EDIL3: variants seen among roughly 807,000 people sequenced by gnomAD.
The protein encoded by EDIL3 is EGF like and discoidin domains 3, also known as EGF-like repeat and discoidin I-like domain-containing protein 3.
A neutral mutation model predicts 67.4 loss-of-function variants in EDIL3; 37 were observed. The ratio of observed to expected loss-of-function variants is 0.55; its 90% CI spans 0.42 to 0.72. EDIL3 has a LOEUF of 0.72. Among genes scored for constraint, EDIL3 ranks in the 30% least tolerant of loss-of-function variants. The pLI is 0.00. For synonymous variants in EDIL3, 195 were observed against 196.3 expected, an observed-to-expected ratio of 0.99 and a Z score of 0.05; for missense variants, 527 against 586.3, an observed-to-expected ratio of 0.90 and a Z score of 1.04.
At chr5:84,348,191 T>C (rs531737194) in intron 1 of EDIL3, among the ~76,000 whole-genome samples, 12 of 152,294 alleles carry the variant, frequency 7.9e-5, no homozygotes, top group African/African-American at 1.9e-4. Context: ...TCAGGGAATT[T>C]TACCACTTGA....
At chr5:83,952,180 C>T (rs943201974) in intron 10 of EDIL3, among the ~76,000 whole-genome samples, 4 of 151,734 alleles carry the variant, frequency 2.6e-5, no homozygotes, top group Non-Finnish European at 4.4e-5. Flanking sequence ...GGGAAAAAGA[C>T]GTAGTGAAAA....
intron 9 of EDIL3, among the ~76,000 whole-genome samples, chr5:83,981,098 C>G (rs1744962947): frequency 6.6e-6 from 1 of 151,994 alleles, no homozygotes; most frequent in African/African-American, 2.4e-5. Context: ...ATATCCCTAA[C>G]AAAATCTCAA....
At chr5:84,373,757 G>C (rs1388067285) in intron 1 of EDIL3, among the ~76,000 whole-genome samples, 1 of 151,978 alleles carries the variant, frequency 6.6e-6, no homozygotes, top group Non-Finnish European at 1.5e-5. Flanking sequence ...CCAAGAGTAG[G>C]GTCAGTAGGA....
chr5:84,040,223 A>G (rs1471235170), intron 9 of EDIL3, among the ~76,000 whole-genome samples: 1 of 152,170 alleles, frequency 6.6e-6, no homozygotes, highest in African/African-American at 2.4e-5. Context: ...AAATCCTACA[A>G]ATTGCACATA....
chr5:83,947,657 C>A (rs529009669), intron 10 of EDIL3, among the ~76,000 whole-genome samples: 4 of 151,810 alleles, frequency 2.6e-5, no homozygotes, highest in Non-Finnish European at 4.4e-5. Flanking sequence ...TCAGCCTATT[C>A]ATGGCATGCC....
chr5:84,153,295 TTTA>T (rs1011735427), intron 4 of EDIL3, among the ~76,000 whole-genome samples: 10 of 152,176 alleles, frequency 6.6e-5, no homozygotes, highest in African/African-American at 2.4e-4. Flanking sequence ...TTATTATTCT[TTTA>T]TTATTATTAT....
intron 6 of EDIL3, among the ~76,000 whole-genome samples, chr5:84,068,817 G>C (rs962668334): frequency 1.3e-5 from 2 of 152,018 alleles, no homozygotes; most frequent in Admixed American, 6.6e-5. Flanking sequence ...TTCAATATAA[G>C]GAAGCTAAGC....
chr5:84,219,241 G>T (rs541230737), intron 3 of EDIL3, among the ~76,000 whole-genome samples: 149 of 152,250 alleles, frequency 9.8e-4, no homozygotes, highest in Non-Finnish European at 1.8e-3. Flanking sequence ...GACCATACAA[G>T]TCAATAATGA....
chr5:84,282,755 T>C (rs1173850941), intron 1 of EDIL3, among the ~76,000 whole-genome samples: 1 of 152,218 alleles, frequency 6.6e-6, no homozygotes, highest in Non-Finnish European at 1.5e-5. Flanking sequence ...CTTTTTATTA[T>C]CTGTGAATCA....
intron 2 of EDIL3, among the ~76,000 whole-genome samples, chr5:84,238,125 C>A (rs1172849348): frequency 6.6e-6 from 1 of 151,994 alleles, no homozygotes; most frequent in East Asian, 1.9e-4. Context: ...AAAATTACTT[C>A]ATGGTAGAAT....
intron 9 of EDIL3, among the ~76,000 whole-genome samples, chr5:83,974,514 T>C (rs984112129): frequency 1.3e-5 from 2 of 151,976 alleles, no homozygotes; most frequent in African/African-American, 4.8e-5. Flanking sequence ...GATCAGAGTA[T>C]ACATATAGTA....
intron 3 of EDIL3, among the ~76,000 whole-genome samples, chr5:84,198,122 T>G (rs1447233762): frequency 2.6e-5 from 4 of 151,962 alleles, no homozygotes; most frequent in Non-Finnish European, 4.4e-5. Context: ...CATTGAAGAC[T>G]AGGAAACTCT....
chr5:83,959,222 A>C (rs1187078486), intron 10 of EDIL3, among the ~76,000 whole-genome samples: 1 of 147,602 alleles, frequency 6.8e-6, no homozygotes, highest in East Asian at 2.0e-4. Context: ...CATTATATAC[A>C]TATAATATAT....
intron 8 of EDIL3, among the ~76,000 whole-genome samples, chr5:84,062,261 G>C (rs1168768820): frequency 6.6e-6 from 1 of 152,058 alleles, no homozygotes; most frequent in Non-Finnish European, 1.5e-5. Flanking sequence ...TAGTTTCATA[G>C]TGGCATGCAT....
intron 9 of EDIL3, among the ~76,000 whole-genome samples, chr5:84,007,971 T>C (rs1466513747): frequency 2.0e-5 from 3 of 152,162 alleles, no homozygotes; most frequent in African/African-American, 7.2e-5. Context: ...ACCCTGTCAT[T>C]TGCATTAGCA....
rs139052783 is a variant in EDIL3 at position 84,362,900 on chromosome 5, C to G, written c.67+21408G>C. Among the ~76,000 whole-genome samples the G allele has an allele frequency of 7.5e-3, 1,141 of 152,194 alleles. 9 individuals are homozygous for G. Among genetic ancestry groups the G allele is most frequent in the African/African-American group, 0.026 (1,059 of 41,520 alleles). Reference sequence around the variant, plus strand: ...TAATAAAAAATTAGTTTAAGATGATCTATGTCACTTCCCAAAGAACAGACA... The same window carrying G: ...TAATAAAAAATTAGTTTAAGATGATGTATGTCACTTCCCAAAGAACAGACA... On this transcript the variant is annotated intron_variant, in intron 1 of 10. Transcript: ENST00000296591.
chr5:84,318,221 G>A (rs1287572992), intron 1 of EDIL3, among the ~76,000 whole-genome samples: 1 of 152,156 alleles, frequency 6.6e-6, no homozygotes, highest in Non-Finnish European at 1.5e-5. Context: ...TCATGAAAAT[G>A]GCCATACTGC....
chr5:84,015,024 A>T (rs1203454591), intron 9 of EDIL3, among the ~76,000 whole-genome samples: 1 of 152,210 alleles, frequency 6.6e-6, no homozygotes, highest in East Asian at 1.9e-4. Context: ...TCTCCTGTTG[A>T]TGATAAAATA....
intron 3 of EDIL3, among the ~76,000 whole-genome samples, chr5:84,218,974 T>A (rs776939207): frequency 2.6e-5 from 4 of 152,208 alleles, no homozygotes; most frequent in Non-Finnish European, 5.9e-5. Flanking sequence ...CTTTGTCACC[T>A]GCTGATTGTA....
Sources: gnomAD v4.1 joint callset for allele counts (sites outside exome capture counted in the v4.1 genomes callset) on GRCh38, gnomAD v4.1.1 for gene constraint, MANE v1.5 for transcripts, NCBI Gene and HGNC (gene_info 2026-07-23, HGNC 2026-07-21) for gene names.